Variants in CAMKMT observed in about 807,000 individuals in gnomAD.
CAMKMT encodes calmodulin-lysine N-methyltransferase.
CAMKMT carries 53 observed loss-of-function variants against 48.0 expected under a neutral mutation model. That is an observed-to-expected ratio of 1.10 (90% CI 0.89 to 1.39). The LOEUF (loss-of-function observed/expected upper bound fraction) is 1.39, where lower values mean the gene tolerates loss of function less well. Ranked by LOEUF, CAMKMT falls within the 40% of genes most tolerant of loss-of-function variation. The pLI is 0.00. For synonymous variants in CAMKMT, 165 were observed against 152.3 expected, an observed-to-expected ratio of 1.08 and a Z score of -0.61; for missense variants, 428 against 402.7, an observed-to-expected ratio of 1.06 and a Z score of -0.54.
At position 44,669,081 on chromosome 2, in the gene CAMKMT, C is replaced by A. The variant is rs538386016; in HGVS notation, c.377-35202C>A. Among the ~76,000 whole-genome samples the A allele has an allele frequency of 4.6e-5, 7 of 152,278 alleles. No individual in the cohort carries two copies. The East Asian group carries it at 9.6e-4, about 21-fold the overall frequency. On this transcript the variant is annotated intron_variant, in intron 3 of 10. Coordinates refer to ENST00000378494, the MANE Select transcript of CAMKMT (RefSeq NM_024766.5). ...TACAGGCGTGAGCCACTGCACCTGA[C>A]CCCCACTTGTTTTTTGTTTGTTTTT...
At chr2:44,697,923 T>A (rs981743455) in intron 3 of CAMKMT, among the ~76,000 whole-genome samples, 2 of 152,136 alleles carry the variant, frequency 1.3e-5, no homozygotes, top group Admixed American at 6.5e-5. Context: ...TTGAAAGTAA[T>A]AGTTTCTGGG....
intron 3 of CAMKMT, among the ~76,000 whole-genome samples, chr2:44,490,556 T>C (rs535099517): frequency 1.3e-5 from 2 of 152,342 alleles, no homozygotes; most frequent in East Asian, 3.9e-4. Context: ...ATTACAGGCA[T>C]GAGCCACTGC....
intron 3 of CAMKMT, among the ~76,000 whole-genome samples, chr2:44,541,847 C>T (rs955893821): frequency 2.6e-5 from 4 of 151,648 alleles, no homozygotes; most frequent in African/African-American, 7.3e-5. Context: ...ACAGCCATAT[C>T]GGCCGGGCAC....
intron 3 of CAMKMT, among the ~76,000 whole-genome samples, chr2:44,558,578 G>A (rs994092472): frequency 1.9e-4 from 29 of 152,068 alleles, no homozygotes; most frequent in Non-Finnish European, 3.1e-4. Context: ...TGGTACATAT[G>A]CCCCATGGAC....
At chr2:44,370,276 T>C (rs1679025881) in intron 1 of CAMKMT, among the ~76,000 whole-genome samples, 2 of 152,230 alleles carry the variant, frequency 1.3e-5, no homozygotes, top group South Asian at 4.1e-4. Context: ...AGACATGTAA[T>C]GTAATTTTCT....
At chr2:44,604,987 C>G (rs1320045839) in intron 3 of CAMKMT, among the ~76,000 whole-genome samples, 1 of 152,140 alleles carries the variant, frequency 6.6e-6, no homozygotes, top group East Asian at 1.9e-4. Context: ...GGAGTGCCAT[C>G]AGTCCCTGAT....
chr2:44,769,127 TAAA>T (rs200150530), intron 10 of CAMKMT, among the ~76,000 whole-genome samples: 2 of 134,080 alleles, frequency 1.5e-5, no homozygotes, highest in Non-Finnish European at 3.2e-5. Context: ...TAGTGCAAGG[TAAA>T]AAAAAAAAAA....
At chr2:44,416,946 T>G (rs1683599241) in intron 3 of CAMKMT, among the ~76,000 whole-genome samples, 1 of 152,000 alleles carries the variant, frequency 6.6e-6, no homozygotes, top group South Asian at 2.1e-4. Flanking sequence ...TTTTTCACTT[T>G]TTTTAGAGAC....
chr2:44,667,805 C>G (rs905423890), intron 3 of CAMKMT, among the ~76,000 whole-genome samples: 4 of 152,176 alleles, frequency 2.6e-5, no homozygotes, highest in African/African-American at 9.7e-5. Context: ...AACAGTGTTT[C>G]ATTTTGGACC....
intron 3 of CAMKMT, among the ~76,000 whole-genome samples, chr2:44,529,203 T>G (rs1179515156): frequency 6.6e-6 from 1 of 152,186 alleles, no homozygotes; most frequent in African/African-American, 2.4e-5. Context: ...GTTTGTTTCT[T>G]TAATATCATT....
At chr2:44,752,689 G>A (rs1002410281) in intron 8 of CAMKMT, among the ~76,000 whole-genome samples, 1 of 152,194 alleles carries the variant, frequency 6.6e-6, no homozygotes, top group East Asian at 1.9e-4. Flanking sequence ...ATCAAGGCAC[G>A]GGCAGGTTGG....
At chr2:44,481,997 T>G (rs1449829933) in intron 3 of CAMKMT, among the ~76,000 whole-genome samples, 1 of 152,072 alleles carries the variant, frequency 6.6e-6, no homozygotes, top group Non-Finnish European at 1.5e-5. Context: ...TTAACAATAG[T>G]AAACTTTAAT....
intron 9 of CAMKMT, among the ~76,000 whole-genome samples, chr2:44,765,616 CAAAT>C: frequency 6.6e-6 from 1 of 151,920 alleles, no homozygotes; most frequent in East Asian, 1.9e-4. Flanking sequence ...CAATAGTTAG[CAAAT>C]GGTCATTGTG....
At chr2:44,520,162 T>A (rs947069776) in intron 3 of CAMKMT, among the ~76,000 whole-genome samples, 1 of 151,852 alleles carries the variant, frequency 6.6e-6, no homozygotes, top group Admixed American at 6.6e-5. Flanking sequence ...GAGCTTGCAG[T>A]GAGCCAAGAT....
rs138504868 is a variant in CAMKMT at position 44,373,707 on chromosome 2, G to A, written c.311+819G>A. Among the ~76,000 whole-genome samples, 314 of 152,202 alleles carry A rather than the reference G, an allele frequency of 2.1e-3. 1 individual carries two copies. Among genetic ancestry groups the A allele is most frequent in the African/African-American group, 7.2e-3 (297 of 41,524 alleles). ...TATCTTTTTATAGTATATGTTTCTC[G>A]AGCTATTTTAGTTTAGAATATCTAA... On this transcript the variant is annotated intron_variant, in intron 2 of 10. Transcript: ENST00000378494.
At chr2:44,672,812 C>CA (rs1207452383) in intron 3 of CAMKMT, among the ~76,000 whole-genome samples, 61 of 150,286 alleles carry the variant, frequency 4.1e-4, no homozygotes, top group African/African-American at 1.2e-3. Flanking sequence ...ATTAATCATC[C>CA]AAAAAAAAAG....
intron 3 of CAMKMT, among the ~76,000 whole-genome samples, chr2:44,490,230 A>T (rs75675989): frequency 0.046 from 6,959 of 152,194 alleles, 250 homozygotes; most frequent in South Asian, 0.14. Flanking sequence ...TATAATTTTC[A>T]ATAATAGCTC....
intron 3 of CAMKMT, among the ~76,000 whole-genome samples, chr2:44,455,601 A>G (rs74544242): frequency 0.018 from 2,774 of 152,336 alleles, 40 homozygotes; most frequent in Non-Finnish European, 0.023. Flanking sequence ...TGGTTAAGAC[A>G]CATTCTGTCT....
chr2:44,691,878 C>T (rs1407583136), intron 3 of CAMKMT, among the ~76,000 whole-genome samples: 2 of 152,170 alleles, frequency 1.3e-5, no homozygotes, highest in Admixed American at 1.3e-4. Flanking sequence ...TCCACCTGCC[C>T]ACCTGCCCAC....
Sources: allele counts gnomAD v4.1 joint callset (sites outside exome capture counted in the v4.1 genomes callset), GRCh38; gene constraint gnomAD v4.1.1; transcripts MANE v1.5; gene names NCBI Gene and HGNC (gene_info 2026-07-23, HGNC 2026-07-21).